The following GRB2 variants were observed in gnomAD, a reference collection of about 807,000 sequenced individuals.
GRB2 encodes growth factor receptor-bound protein 2.
Under a neutral mutation model 27.4 loss-of-function variants are expected in GRB2, and 2 were observed. The observed-to-expected ratio is 0.07, with a 90% CI of 0.03 to 0.23. GRB2 has a LOEUF of 0.23. Among genes scored for constraint, GRB2 ranks in the 10% least tolerant of loss-of-function variants. The pLI, the probability that GRB2 is intolerant of heterozygous loss-of-function variation, is 1.00. For synonymous variants in GRB2, 94 were observed against 99.6 expected, an observed-to-expected ratio of 0.94 and a Z score of 0.33; for missense variants, 102 against 282.4, an observed-to-expected ratio of 0.36 and a Z score of 4.58.
At chr17:75,356,116 G>A (rs1411671902) in intron 2 of GRB2, among the ~76,000 whole-genome samples, 1 of 151,968 alleles carries the variant, frequency 6.6e-6, no homozygotes, top group African/African-American at 2.4e-5. Context: ...TTACAGGCAT[G>A]AGCCACCGCA....
chr17:75,389,575 G>A (rs989944649), intron 2 of GRB2, among the ~76,000 whole-genome samples: 12 of 152,146 alleles, frequency 7.9e-5, no homozygotes, highest in Admixed American at 3.9e-4. Context: ...TGCCGGGCGC[G>A]GTGGCTCACG....
At chr17:75,343,914 T>G (rs2078638378) in intron 2 of GRB2, among the ~76,000 whole-genome samples, 1 of 152,064 alleles carries the variant, frequency 6.6e-6, no homozygotes, top group South Asian at 2.1e-4. Context: ...TTTGAAAAAT[T>G]CAACAATCAT....
At chr17:75,334,386 T>C (rs944009072) in intron 2 of GRB2, among the ~76,000 whole-genome samples, 2 of 152,070 alleles carry the variant, frequency 1.3e-5, no homozygotes, top group African/African-American at 2.4e-5. Flanking sequence ...TTAGCCAGGA[T>C]GGTCTCGATC....
intron 2 of GRB2, among the ~76,000 whole-genome samples, chr17:75,363,206 C>T (rs1156613709): frequency 6.6e-6 from 1 of 152,170 alleles, no homozygotes; most frequent in Non-Finnish European, 1.5e-5. Flanking sequence ...GTCCCATTCT[C>T]AAAGATAGGG....
At chr17:75,325,218 C>T (rs779779532) in intron 4 of GRB2, among the ~76,000 whole-genome samples, 20 of 152,082 alleles carry the variant, frequency 1.3e-4, no homozygotes, top group Admixed American at 8.5e-4. Flanking sequence ...AGTGATCTGC[C>T]GGACTCCTGG....
chr17:75,386,276 G>A lies in GRB2; in HGVS notation c.78+7275C>T, dbSNP rs190072064. On this transcript the variant is annotated intron_variant, in intron 2 of 5. Coordinates refer to ENST00000316804, the MANE Select transcript of GRB2 (RefSeq NM_002086.5). The stretch of plus-strand genomic sequence containing the variant: ...TGGGACTAGAGGCACACACCACCAC[G>A]CCCAGCTAATTTGTGTATTTTTAGT... Among the ~76,000 whole-genome samples the A allele has an allele frequency of 2.2e-3, 338 of 152,114 alleles. 9 individuals are homozygous for A. Among genetic ancestry groups the A allele is most frequent in the Non-Finnish European group, 8.7e-4 (59 of 67,976 alleles).
chr17:75,395,818 T>C (rs970254835), intron 1 of GRB2, among the ~76,000 whole-genome samples: 12 of 147,438 alleles, frequency 8.1e-5, no homozygotes, highest in African/African-American at 1.2e-4. Flanking sequence ...AATAATGCAC[T>C]AAAACCAATC....
At chr17:75,358,334 T>G (rs2078747829) in intron 2 of GRB2, among the ~76,000 whole-genome samples, 1 of 152,204 alleles carries the variant, frequency 6.6e-6, no homozygotes, top group Non-Finnish European at 1.5e-5. Context: ...GACTAGAGTT[T>G]TAAAACTCCA....
intron 2 of GRB2, among the ~76,000 whole-genome samples, chr17:75,333,422 G>A (rs1031845249): frequency 6.6e-6 from 1 of 152,126 alleles, no homozygotes; most frequent in African/African-American, 2.4e-5. Context: ...ACCTGGAGAA[G>A]AGGTTCTGGA....
chr17:75,340,372 G>T (rs1361457057), intron 2 of GRB2, among the ~76,000 whole-genome samples: 1 of 152,206 alleles, frequency 6.6e-6, no homozygotes, highest in African/African-American at 2.4e-5. Flanking sequence ...GTTCTTCAAA[G>T]AACCCAGATA....
intron 2 of GRB2, among the ~76,000 whole-genome samples, chr17:75,377,046 G>C (rs749471717): frequency 5.3e-5 from 8 of 151,442 alleles, no homozygotes; most frequent in Non-Finnish European, 7.4e-5. Flanking sequence ...GCTGGGCCCA[G>C]TGACTCACAT....
rs147589575 is a variant in GRB2, at chr17:75,332,814, C to T, written c.79-17G>A. On this transcript the variant is annotated splice_polypyrimidine_tract_variant and intron_variant, in intron 2 of 5. Coordinates refer to ENST00000316804, the MANE Select transcript of GRB2 (RefSeq NM_002086.5). ...GTTCAAAACCTGAAAAGAAATAAGA[C>T]AACAAAAAAACCCAATCATTTCCTT... The T allele has an allele frequency of 1.7e-3, 2,497 of 1,500,008 alleles. 37 individuals carry two copies. The African/African-American group carries it at 0.03, about 18-fold the overall frequency. 92.9% of individuals were successfully genotyped at this position (1,500,008 alleles called of 1,614,324 possible).
intron 2 of GRB2, among the ~76,000 whole-genome samples, chr17:75,379,586 G>C (rs2078914916): frequency 6.6e-6 from 1 of 151,788 alleles, no homozygotes; most frequent in South Asian, 2.1e-4. Context: ...TTTTAGTAGA[G>C]ACAGGGTCTT....
At chr17:75,382,732 G>C (rs576904417) in intron 2 of GRB2, among the ~76,000 whole-genome samples, 1 of 134,394 alleles carries the variant, frequency 7.4e-6, no homozygotes, top group African/African-American at 2.5e-5. Context: ...TATTTTAGAC[G>C]GAGTCTTGTG....
At chr17:75,379,411 A>AG (rs1218252846) in intron 2 of GRB2, among the ~76,000 whole-genome samples, 1 of 45,682 alleles carries the variant, frequency 2.2e-5, no homozygotes, top group Non-Finnish European at 7.7e-5. Flanking sequence ...AAAAAAAAAA[A>AG]AAAGAAAGAC....
At position 75,393,721 on chromosome 17, in the gene GRB2, C is replaced by T; in HGVS notation, c.-93G>A. The T allele has an allele frequency of 3.2e-6, 3 of 949,002 alleles. No homozygotes were observed. Among genetic ancestry groups the T allele is most frequent in the Admixed American group, 3.7e-5 (2 of 54,064 alleles). 58.8% of individuals were successfully genotyped at this position (949,002 alleles called of 1,614,324 possible). ...CAGCGCTCTGGGCTTAGCCTCGCCT[C>T]TCTTCTGGGACTCGCTCCGGCACTC... On this transcript the variant is annotated 5_prime_UTR_variant, in exon 2 of 6. Coordinates refer to ENST00000316804, the MANE Select transcript of GRB2 (RefSeq NM_002086.5).
At chr17:75,356,054 G>C (rs989054537) in intron 2 of GRB2, among the ~76,000 whole-genome samples, 3 of 151,510 alleles carry the variant, frequency 2.0e-5, no homozygotes, top group Admixed American at 6.6e-5. Context: ...GGCTGGTGTC[G>C]AACTCCTGAG....
intron 2 of GRB2, among the ~76,000 whole-genome samples, chr17:75,382,952 G>C (rs193186100): frequency 6.6e-6 from 1 of 152,026 alleles, no homozygotes; most frequent in African/African-American, 2.4e-5. Flanking sequence ...CTCGTGATCC[G>C]CCTGCCTCGG....
intron 2 of GRB2, among the ~76,000 whole-genome samples, chr17:75,352,450 C>T (rs1211832012): frequency 6.6e-6 from 1 of 152,180 alleles, no homozygotes; most frequent in Non-Finnish European, 1.5e-5. Flanking sequence ...GTTACAAGAA[C>T]AACTTCCTGA....
Sources: gnomAD v4.1 joint callset for allele counts (sites outside exome capture counted in the v4.1 genomes callset) on GRCh38, gnomAD v4.1.1 for gene constraint, MANE v1.5 for transcripts, NCBI Gene and HGNC (gene_info 2026-07-23, HGNC 2026-07-21) for gene names.